CCSER2: variants seen among roughly 807,000 people sequenced by gnomAD.
CCSER2 encodes coiled-coil serine rich protein 2, also known as serine-rich coiled-coil domain-containing protein 2.
Under a neutral mutation model 92.3 loss-of-function variants are expected in CCSER2, and 46 were observed. The observed-to-expected ratio is 0.50, with a 90% CI of 0.39 to 0.64. CCSER2 has a LOEUF of 0.64. CCSER2 is among the 30% of genes least tolerant of loss of function. The pLI, the probability that CCSER2 is intolerant of heterozygous loss-of-function variation, is 0.00. For synonymous variants in CCSER2, 433 were observed against 431.4 expected (o/e 1.00, Z -0.04); for missense variants, 1,244 against 1,238.9 (o/e 1.00, Z -0.06).
chr10:84,484,862 C>G (rs888645873), intron 9 of CCSER2, among the ~76,000 whole-genome samples: 1 of 151,974 alleles, frequency 6.6e-6, no homozygotes, highest in African/African-American at 2.4e-5. Context: ...CTGTGACTTT[C>G]TTTCATGTAT....
intron 3 of CCSER2, among the ~76,000 whole-genome samples, chr10:84,402,216 C>T (rs887757569): frequency 1.5e-4 from 23 of 152,160 alleles, no homozygotes; most frequent in Non-Finnish European, 2.8e-4. Flanking sequence ...AATGCCTGCC[C>T]TGAAGCGATC....
intron 3 of CCSER2, among the ~76,000 whole-genome samples, chr10:84,411,142 T>A (rs1403795482): frequency 1.3e-5 from 2 of 152,142 alleles, no homozygotes; most frequent in Non-Finnish European, 2.9e-5. Context: ...CTTATACCAG[T>A]ACTGTGCTGT....
At chr10:84,379,957 G>T (rs1840807837) in intron 3 of CCSER2, among the ~76,000 whole-genome samples, 2 of 152,018 alleles carry the variant, frequency 1.3e-5, no homozygotes, top group African/African-American at 2.4e-5. Flanking sequence ...TGAACATTCG[G>T]ATTCAATTCT....
At chr10:84,358,629 T>A (rs926164015) in intron 1 of CCSER2, among the ~76,000 whole-genome samples, 2 of 148,546 alleles carry the variant, frequency 1.3e-5, no homozygotes, top group African/African-American at 4.9e-5. Flanking sequence ...TATCTAAATA[T>A]ATATATATGT....
At chr10:84,487,581 C>T (rs1847885469) in intron 9 of CCSER2, among the ~76,000 whole-genome samples, 1 of 152,186 alleles carries the variant, frequency 6.6e-6, no homozygotes, top group South Asian at 2.1e-4. Context: ...GATTTTTGCA[C>T]AATGATTTTG....
chr10:84,514,304 A>G lies in CCSER2; in HGVS notation c.*37A>G, dbSNP rs1231081798. On this transcript the variant is annotated 3_prime_UTR_variant, in exon 10 of 10. Transcript: ENST00000372088. The stretch of plus-strand genomic sequence containing the variant: ...TCACCTGCCAATTTGTTTCTTAAAA[A>G]CAATCTCTTCTGTAATAGCTTTATG... The G allele has an allele frequency of 3.1e-5, 44 of 1,404,030 alleles. No homozygotes were observed. The highest frequency in any genetic ancestry group is 3.5e-4 in the Middle Eastern group (2 of 5,644). 87.0% of individuals were successfully genotyped at this position (1,404,030 alleles called of 1,614,324 possible). A position where few individuals can be genotyped will look rare whatever the true frequency, so the allele number is the denominator to read the frequency against.
intron 9 of CCSER2, among the ~76,000 whole-genome samples, chr10:84,483,813 ATCTC>A (rs1208143635): frequency 7.0e-6 from 1 of 143,380 alleles, no homozygotes; most frequent in East Asian, 2.0e-4. Flanking sequence ...TTGAGATGGA[ATCTC>A]TCTCTCTTGC....
chr10:84,476,435 C>CTTTTTT (rs35978182), intron 8 of CCSER2, among the ~76,000 whole-genome samples: 12 of 58,534 alleles, frequency 2.1e-4, no homozygotes, highest in Admixed American at 5.5e-4. Context: ...AATTCTCTCT[C>CTTTTTT]TTTTTTTTTT....
At chr10:84,456,130 C>T (rs1313789489) in intron 6 of CCSER2, 1 of 332,874 alleles carries the variant, frequency 3.0e-6, no homozygotes, top group Non-Finnish European at 5.9e-6. Flanking sequence ...ATGCAGAGCC[C>T]TCAAATCAAA....
chr10:84,415,036 A>G (rs1009475693), intron 3 of CCSER2, among the ~76,000 whole-genome samples: 5 of 152,146 alleles, frequency 3.3e-5, no homozygotes, highest in African/African-American at 9.7e-5. Context: ...TATTTTGACT[A>G]TCAGCTCCTG....
chr10:84,378,456 CG>C (rs1391288058), intron 3 of CCSER2, among the ~76,000 whole-genome samples: 1 of 118,910 alleles, frequency 8.4e-6, no homozygotes, highest in Admixed American at 1.1e-4. Context: ...TTTTTTGAGA[CG>C]AAGTCTCGCT....
chr10:84,360,347 A>G (rs1845429485), intron 1 of CCSER2, among the ~76,000 whole-genome samples: 1 of 152,112 alleles, frequency 6.6e-6, no homozygotes, highest in African/African-American at 2.4e-5. Context: ...TTCTTCTATA[A>G]AGAAGATTTT....
At chr10:84,498,366 A>G (rs925200818) in intron 9 of CCSER2, among the ~76,000 whole-genome samples, 1 of 152,234 alleles carries the variant, frequency 6.6e-6, no homozygotes, top group Admixed American at 6.5e-5. Context: ...AGCAAAAGAA[A>G]AAAGTATAAT....
At chr10:84,436,405 G>A (rs1326260509) in intron 5 of CCSER2, among the ~76,000 whole-genome samples, 1 of 149,592 alleles carries the variant, frequency 6.7e-6, no homozygotes, top group Non-Finnish European at 1.5e-5. Context: ...GGAGGCCGAG[G>A]CGGGCGGATC....
At chr10:84,504,895 C>T (rs1243397581) in intron 9 of CCSER2, among the ~76,000 whole-genome samples, 1 of 151,910 alleles carries the variant, frequency 6.6e-6, no homozygotes, top group African/African-American at 2.4e-5. Flanking sequence ...GTGAACAAAC[C>T]ATAATTAAAT....
intron 3 of CCSER2, among the ~76,000 whole-genome samples, chr10:84,385,966 A>G (rs1035636379): frequency 6.6e-6 from 1 of 152,248 alleles, no homozygotes; most frequent in Non-Finnish European, 1.5e-5. Flanking sequence ...CAAGCAGCCA[A>G]CAAACATAAA....
At chr10:84,347,107 T>C (rs1386470289) in intron 1 of CCSER2, among the ~76,000 whole-genome samples, 5 of 152,216 alleles carry the variant, frequency 3.3e-5, no homozygotes, top group Non-Finnish European at 7.3e-5. Flanking sequence ...GGTAAGGTCA[T>C]AGATCAACAG....
At chr10:84,333,106 G>A (rs1843667023) in intron 1 of CCSER2, among the ~76,000 whole-genome samples, 2 of 152,042 alleles carry the variant, frequency 1.3e-5, no homozygotes, top group African/African-American at 2.4e-5. Context: ...GTAAGTTTTA[G>A]TTAAACTAAC....
intron 1 of CCSER2, among the ~76,000 whole-genome samples, chr10:84,346,757 T>TA (rs1402566109): frequency 4.7e-5 from 6 of 127,680 alleles, no homozygotes; most frequent in Non-Finnish European, 6.9e-5. Context: ...CATTTCTTTT[T>TA]TTTTATATAT....
Sources: gnomAD v4.1 joint callset for allele counts (sites outside exome capture counted in the v4.1 genomes callset) on GRCh38, gnomAD v4.1.1 for gene constraint, MANE v1.5 for transcripts, NCBI Gene and HGNC (gene_info 2026-07-23, HGNC 2026-07-21) for gene names.